The following BICC1 variants were observed in gnomAD, a reference collection of about 807,000 sequenced individuals.
The protein encoded by BICC1 is protein bicaudal C homolog 1.
In BICC1, 43 loss-of-function variants were observed where a neutral mutation model predicts 111.0. The ratio of observed to expected loss-of-function variants is 0.39; its 90% CI spans 0.30 to 0.50. The LOEUF is 0.50. Among genes scored for constraint, BICC1 ranks in the 20% least tolerant of loss-of-function variants. The pLI, the probability that BICC1 is intolerant of heterozygous loss-of-function variation, is 0.88. For missense variants in BICC1, 1,091 were observed against 1,203.2 expected, an observed-to-expected ratio of 0.91 and a Z score of 1.38; for synonymous variants, 467 against 434.4, an observed-to-expected ratio of 1.07 and a Z score of -0.93.
chr10:58,566,148 A>ATGTGTG lies in BICC1; in HGVS notation c.190+52825_190+52830dup, dbSNP rs35056463. On this transcript the variant is annotated intron_variant, in intron 1 of 20. Transcript: ENST00000373886. ...TTTATGGCTGAATACTAATTCAATG[A>ATGTGTG]TGTGTGTGTGTGTGTATATATACAT... Among the ~76,000 whole-genome samples the ATGTGTG allele has an allele frequency of 3.7e-3, 556 of 150,928 alleles. 11 individuals carry two copies. In the East Asian group the frequency reaches 0.046, roughly 13 times the overall value.
chr10:58,612,678 A>G (rs1362210167), intron 1 of BICC1, among the ~76,000 whole-genome samples: 2 of 151,996 alleles, frequency 1.3e-5, no homozygotes, highest in Non-Finnish European at 2.9e-5. Context: ...TAATTTTATA[A>G]TTTGAACTTG....
rs189539171 is a variant in BICC1, at chr10:58,789,668, C to T, written c.796-14C>T. On this transcript the variant is annotated splice_polypyrimidine_tract_variant and intron_variant, in intron 7 of 20. Transcript: ENST00000373886. ...AATGTATAGGATTATTTCTTTCCCA[C>T]CCTTTTCTCTTAGGAAGGAACTGCC... The T allele has an allele frequency of 6.2e-7, 1 of 1,613,786 alleles. No homozygotes were observed. Among genetic ancestry groups the T allele is most frequent in the Non-Finnish European group, 8.5e-7 (1 of 1,179,782 alleles).
chr10:58,515,156 A>G (rs561182803), intron 1 of BICC1, among the ~76,000 whole-genome samples: 1 of 152,350 alleles, frequency 6.6e-6, no homozygotes, highest in South Asian at 2.1e-4. Flanking sequence ...TTTTGTATTA[A>G]TAGATGTGAT....
chr10:58,798,290 G>C (rs931976780), intron 10 of BICC1, 109 bp from the exon 11 acceptor site: 1 of 839,450 alleles, frequency 1.2e-6, no homozygotes, highest in Non-Finnish European at 1.7e-6. Context: ...TTTATATTTA[G>C]AAAATATCAG....
chr10:58,787,091 CT>C lies in BICC1; in HGVS notation c.546+14del. The C allele has an allele frequency of 6.4e-7, 1 of 1,560,066 alleles. No individual in the cohort carries two copies. The highest frequency in any genetic ancestry group is 8.6e-7 in the Non-Finnish European group (1 of 1,159,412). ...AGAAAAAAGCAACCAGGTGGTTTGTCTTTTCACATGAACTTTTATGGGATGA... is the reference window on the plus strand; with the variant it reads ...AGAAAAAAGCAACCAGGTGGTTTGTCTTTCACATGAACTTTTATGGGATGA... On this transcript the variant is annotated intron_variant, in intron 5 of 20. Coordinates refer to ENST00000373886, the MANE Select transcript of BICC1 (RefSeq NM_001080512.3).
chr10:58,813,923 C>A lies in BICC1; in HGVS notation c.2470C>A (p.Pro824Thr). The A allele has an allele frequency of 6.2e-7, 1 of 1,614,002 alleles. No homozygotes were observed. ...CTGGAGAGACCGAAATGGAATTGGACCTGGAAGTCATAGTGAATTTGCAGC... is the reference window on the plus strand; with the variant it reads ...CTGGAGAGACCGAAATGGAATTGGAACTGGAAGTCATAGTGAATTTGCAGC... ...DNWRDRNGIG[P>T]GSHSEFAASI... Residue 824 changes from proline (P) to threonine (T), a missense_variant, in exon 18 of 21, where the codon CCT becomes ACT. By Grantham distance (38) the Pro-to-Thr change is conservative. Coordinates refer to ENST00000373886, the MANE Select transcript of BICC1 (RefSeq NM_001080512.3).
chr10:58,800,976 C>T lies in BICC1; in HGVS notation c.1945C>T (p.Pro649Ser). Reference protein sequence around the residue: ...NAGDLKQMMCPSKVSCAKRQT... With the variant: ...NAGDLKQMMCSSKVSCAKRQT... The stretch of plus-strand genomic sequence containing the variant: ...TGGTGACTTGAAACAGATGATGTGT[C>T]CCTCCAAGGTTTCCTGTGCCAAAAG... The change falls in exon 14 of 21, where the codon CCC (proline) becomes TCC (serine). Residue 649 changes from proline (P) to serine (S), a missense_variant. Transcript: ENST00000373886. 6.2e-7 allele frequency: 1 copy of T among 1,612,436 alleles called. No individual in the cohort carries two copies. Among genetic ancestry groups the T allele is most frequent in the Non-Finnish European group, 8.5e-7 (1 of 1,179,202 alleles).
chr10:58,798,924 G>T (rs1259279333), intron 11 of BICC1, 132 bp from the exon 12 acceptor site: 1 of 676,810 alleles, frequency 1.5e-6, no homozygotes, highest in Non-Finnish European at 2.4e-6. Context: ...TAGTACCTCT[G>T]TTTACAGAGG....
At chr10:58,532,663 A>T (rs1234254454) in intron 1 of BICC1, among the ~76,000 whole-genome samples, 1 of 151,842 alleles carries the variant, frequency 6.6e-6, no homozygotes, top group East Asian at 1.9e-4. Flanking sequence ...AAGAGGGCCA[A>T]CAATTCACAG....
intron 3 of BICC1, among the ~76,000 whole-genome samples, chr10:58,771,807 T>C (rs540751677): frequency 6.6e-6 from 1 of 152,208 alleles, no homozygotes; most frequent in Non-Finnish European, 1.5e-5. Context: ...AGCAGACAGT[T>C]TGCAATCTTA....
chr10:58,665,553 C>T (rs1489153338), intron 2 of BICC1, among the ~76,000 whole-genome samples: 1 of 152,064 alleles, frequency 6.6e-6, no homozygotes, highest in Non-Finnish European at 1.5e-5. Flanking sequence ...ATTCTATCGC[C>T]AATAGTGCAT....
At position 58,619,569 on chromosome 10, in the gene BICC1, G is replaced by A. The variant is rs1845730757; in HGVS notation, c.191-1286G>A. Among the ~76,000 whole-genome samples the A allele has an allele frequency of 2.6e-5, 4 of 151,452 alleles. No individual in the cohort carries two copies. The South Asian group carries it at 8.4e-4, about 32-fold the overall frequency. ...GGCTCACTGCAACCTCTGCCTCCCG[G>A]GTTCAAGCAATTCTCCTGCCTCAGC... On this transcript the variant is annotated intron_variant, in intron 1 of 20. Transcript: ENST00000373886.
chr10:58,721,397 T>A (rs1450161685), intron 3 of BICC1, among the ~76,000 whole-genome samples: 1 of 152,210 alleles, frequency 6.6e-6, no homozygotes, highest in Non-Finnish European at 1.5e-5. Context: ...ATAATTGGGT[T>A]AATTATTATG....
Position 58,682,699 on chromosome 10 carries a change from A to G in BICC1, c.238-19375A>G, listed in dbSNP as rs537123710. Among the ~76,000 whole-genome samples, 44 of 152,296 alleles carry G rather than the reference A, an allele frequency of 2.9e-4. 1 individual carries two copies. In the South Asian group the frequency reaches 8.7e-3, roughly 30 times the overall value. ...GTCTTCTTTTGAGAAGTGTCTGTTC[A>G]TATCCTTCGCCCACTTTTTGATGGG... On this transcript the variant is annotated intron_variant, in intron 2 of 20. Coordinates refer to ENST00000373886, the MANE Select transcript of BICC1 (RefSeq NM_001080512.3).
intron 1 of BICC1, among the ~76,000 whole-genome samples, chr10:58,563,166 T>C (rs563400518): frequency 6.6e-6 from 1 of 152,164 alleles, no homozygotes; most frequent in Non-Finnish European, 1.5e-5. Context: ...CACAGGGATA[T>C]GGAATTGCAG....
At chr10:58,629,756 G>C (rs1030897) in intron 2 of BICC1, among the ~76,000 whole-genome samples, 145,541 of 152,278 alleles carry the variant, frequency 0.96, 69,912 homozygotes, top group East Asian at 1. Flanking sequence ...TTGAGTTTGG[G>C]AATCTTTCTG....
intron 3 of BICC1, among the ~76,000 whole-genome samples, chr10:58,752,706 T>C (rs1842023503): frequency 6.6e-6 from 1 of 152,188 alleles, no homozygotes; most frequent in Non-Finnish European, 1.5e-5. Context: ...CTAAAGGACA[T>C]TTCAAAACCA....
intron 3 of BICC1, among the ~76,000 whole-genome samples, chr10:58,761,128 G>A (rs1463812455): frequency 6.6e-6 from 1 of 152,136 alleles, no homozygotes; most frequent in Non-Finnish European, 1.5e-5. Flanking sequence ...AAAGTGCTGG[G>A]ATTACAGGCG....
chr10:58,792,815 A>G (rs1843224133), intron 8 of BICC1, among the ~76,000 whole-genome samples: 1 of 152,156 alleles, frequency 6.6e-6, no homozygotes, highest in African/African-American at 2.4e-5. Flanking sequence ...GAATAAATGT[A>G]ATGTGCTTGA....
Sources: allele counts gnomAD v4.1 joint callset (sites outside exome capture counted in the v4.1 genomes callset), GRCh38; gene constraint gnomAD v4.1.1; transcripts MANE v1.5; gene names NCBI Gene and HGNC (gene_info 2026-07-23, HGNC 2026-07-21).